The following GNB1L variants were observed in gnomAD, a reference collection of about 807,000 sequenced individuals.
GNB1L encodes the protein guanine nucleotide-binding protein subunit beta-like protein 1.
In GNB1L, 20 loss-of-function variants were observed where a neutral mutation model predicts 29.1. The ratio of observed to expected loss-of-function variants is 0.69; its 90% CI spans 0.48 to 1.00. The LOEUF (loss-of-function observed/expected upper bound fraction) is 1.00. Ranked by LOEUF, GNB1L falls within the 50% of genes least tolerant of loss-of-function variation. The pLI is 0.00. For missense variants in GNB1L, 421 were observed against 464.9 expected, an observed-to-expected ratio of 0.91 and a Z score of 0.87; for synonymous variants, 193 against 206.5, an observed-to-expected ratio of 0.93 and a Z score of 0.56.
chr22:19,802,282 A>AG (rs1480154232), intron 6 of GNB1L, 66 bp from the exon 7 acceptor site: 3 of 1,345,644 alleles, frequency 2.2e-6, no homozygotes, highest in South Asian at 1.2e-5. Context: ...TCGGGGGAGA[A>AG]GGGGCTCTGG....
chr22:19,814,432 C>G (rs779957740), intron 4 of GNB1L, among the ~76,000 whole-genome samples: 2 of 152,190 alleles, frequency 1.3e-5, no homozygotes, highest in Non-Finnish European at 2.9e-5. Context: ...GGTTTTAACA[C>G]AGGGCCACAC....
chr22:19,805,788 A>T lies in GNB1L; in HGVS notation c.516+871T>A, dbSNP rs143596387. Among the ~76,000 whole-genome samples, 541 of 151,798 alleles carry T rather than the reference A, an allele frequency of 3.6e-3. 4 individuals carry two copies. Among genetic ancestry groups the T allele is most frequent in the African/African-American group, 0.012 (515 of 41,386 alleles). ...CAGAGCGAGACTCCATCACAAAAAA[A>T]AAATAAATAAATAAAATAGAAAAGG... is the stretch of plus-strand genomic sequence containing the variant. On this transcript the variant is annotated intron_variant, in intron 6 of 7. Coordinates refer to ENST00000329517, the MANE Select transcript of GNB1L (RefSeq NM_053004.3).
chr22:19,840,711 G>T (rs1292613083), intron 2 of GNB1L, among the ~76,000 whole-genome samples: 1 of 152,130 alleles, frequency 6.6e-6, no homozygotes, highest in Non-Finnish European at 1.5e-5. Context: ...TGGGGAGGCT[G>T]AGGCAGGAGA....
rs945381886 is a variant in GNB1L, at chr22:19,816,320, A to G, written c.255-3873T>C. 6.6e-6 allele frequency among the ~76,000 whole-genome samples: 1 copy of G among 152,154 alleles called. No individual in the cohort carries two copies. ...GCCTGGTCAGGACCCATAGTTTTCA[A>G]AGGCTCATCATCCCTAATTCTGATC... On this transcript the variant is annotated intron_variant, in intron 4 of 7. Coordinates refer to ENST00000329517, the MANE Select transcript of GNB1L (RefSeq NM_053004.3). The surrounding 1 kb of genome is among the most constrained non-coding windows in gnomAD (Gnocchi z 4.4).
rs1301023724 is a variant in GNB1L at position 19,786,229 on chromosome 22, C to T, written c.*2480G>A. On this transcript the variant is annotated 3_prime_UTR_variant, in exon 8 of 8. Transcript: ENST00000329517. ...GTTAGGCATGCAGGACTCACGCTGT[C>T]CCGACTCCATCCCTGCACACTGAGA... is the stretch of plus-strand genomic sequence containing the variant. 6.6e-6 allele frequency: 1 copy of T among 152,368 alleles called. No individual in the cohort carries two copies. 9.4% of individuals were successfully genotyped at this position (152,368 alleles called of 1,614,324 possible).
intron 2 of GNB1L, among the ~76,000 whole-genome samples, chr22:19,823,814 TGCACACACACAG>T (rs1937598141): frequency 6.6e-6 from 1 of 151,756 alleles, no homozygotes; most frequent in Admixed American, 6.6e-5. Context: ...CACACACACA[TGCACACACACAG>T]GCACACACTC....
At chr22:19,813,684 T>C (rs1048300426) in intron 4 of GNB1L, among the ~76,000 whole-genome samples, 1 of 151,700 alleles carries the variant, frequency 6.6e-6, no homozygotes, top group African/African-American at 2.4e-5. Flanking sequence ...CAAGACTCTG[T>C]CTCAATAAAT....
chr22:19,847,955 T>C (rs1253480953), intron 2 of GNB1L: 8 of 985,200 alleles, frequency 8.1e-6, no homozygotes, highest in Non-Finnish European at 9.6e-6. Flanking sequence ...CTGCTTTTAC[T>C]GAATAATCCA....
rs1937170342 is a variant in GNB1L, at chr22:19,784,218, G to T, written c.*4491C>A. 6.6e-6 allele frequency: 1 copy of T among 152,232 alleles called. No homozygotes were observed. Among genetic ancestry groups the T allele is most frequent in the Admixed American group, 6.5e-5 (1 of 15,282 alleles). The allele number at this position is 152,232 out of a possible 1,614,324, so 9.4% of individuals were successfully genotyped here. On this transcript the variant is annotated 3_prime_UTR_variant, in exon 8 of 8. Coordinates refer to ENST00000329517, the MANE Select transcript of GNB1L (RefSeq NM_053004.3). Reference sequence around the variant, plus strand: ...CCTTTTGTGCAGAGGGTGTTCTGTGGCTTCTTGGCAGAGACACAGGTGGGA... The same window carrying T: ...CCTTTTGTGCAGAGGGTGTTCTGTGTCTTCTTGGCAGAGACACAGGTGGGA...
At chr22:19,831,188 C>T (rs1937674158) in intron 2 of GNB1L, among the ~76,000 whole-genome samples, 1 of 150,694 alleles carries the variant, frequency 6.6e-6, no homozygotes, top group Non-Finnish European at 1.5e-5. Context: ...TGGTAAAACC[C>T]CATCTCTACT....
chr22:19,815,801 C>T (rs922813632), intron 4 of GNB1L, among the ~76,000 whole-genome samples: 2 of 152,100 alleles, frequency 1.3e-5, no homozygotes, highest in African/African-American at 2.4e-5. Flanking sequence ...AGGTTGGTCT[C>T]GAACTCTGGG....
chr22:19,789,198 C>G (rs965162572), intron 7 of GNB1L, among the ~76,000 whole-genome samples: 13 of 152,176 alleles, frequency 8.5e-5, no homozygotes, highest in Admixed American at 1.3e-4. Context: ...CCAGCTCTGA[C>G]CGACTCCTTC....
chr22:19,807,671 T>C (rs944753948), intron 5 of GNB1L, among the ~76,000 whole-genome samples: 3 of 152,230 alleles, frequency 2.0e-5, no homozygotes, highest in Non-Finnish European at 4.4e-5. Context: ...TCACCCACTT[T>C]ACACACAAGG....
At chr22:19,789,912 C>T (rs1207914349) in intron 7 of GNB1L, among the ~76,000 whole-genome samples, 1 of 151,150 alleles carries the variant, frequency 6.6e-6, no homozygotes, top group Admixed American at 6.6e-5. Flanking sequence ...GGTGGCCAGA[C>T]AAAAAGACCA....
chr22:19,851,533 C>T, intron 2 of GNB1L: 1 of 1,614,028 alleles, frequency 6.2e-7, no homozygotes, highest in South Asian at 1.1e-5. Flanking sequence ...TGGACCCAGA[C>T]ACAGCAGGGG....
At chr22:19,823,959 C>T (rs1256940718) in intron 2 of GNB1L, among the ~76,000 whole-genome samples, 3 of 152,232 alleles carry the variant, frequency 2.0e-5, no homozygotes, top group African/African-American at 7.2e-5. Context: ...CGGTGCCAGC[C>T]GAAGCCCGGC....
At chr22:19,846,690 TG>T (rs67926175) in intron 2 of GNB1L, 22,112 of 451,930 alleles carry the variant, frequency 0.049, 673 homozygotes, top group Non-Finnish European at 0.052. Context: ...GTCATGAGGG[TG>T]GGCCCTGATC....
rs1937523634 is a variant in GNB1L, at chr22:19,816,298, T to A, written c.255-3851A>T. Among the ~76,000 whole-genome samples, 1 of 152,210 alleles carries A rather than the reference T, an allele frequency of 6.6e-6. No homozygotes were observed. Among genetic ancestry groups the A allele is most frequent in the African/African-American group, 2.4e-5 (1 of 41,454 alleles). ...ATCAGGGGTGTCAACCCTGATCGCC[T>A]GGTCAGGACCCATAGTTTTCAAAGG... On this transcript the variant is annotated intron_variant, in intron 4 of 7. Coordinates refer to ENST00000329517, the MANE Select transcript of GNB1L (RefSeq NM_053004.3). The surrounding 1 kb of genome is among the most constrained non-coding windows in gnomAD (Gnocchi z 4.4).
intron 2 of GNB1L, among the ~76,000 whole-genome samples, chr22:19,835,777 CTA>C (rs1410598034): frequency 6.6e-6 from 1 of 152,138 alleles, no homozygotes; most frequent in Admixed American, 6.5e-5. Context: ...AAATCTCCAA[CTA>C]TTTGGAAATT....
Sources: gnomAD v4.1 joint callset for allele counts (sites outside exome capture counted in the v4.1 genomes callset) on GRCh38, gnomAD v4.1.1 for gene constraint, Gnocchi (gnomAD v3.1) non-coding constraint, MANE v1.5 for transcripts, NCBI Gene and HGNC (gene_info 2026-07-23, HGNC 2026-07-21) for gene names.